The following ATP7A variants were observed in gnomAD, a reference collection of about 807,000 sequenced individuals.
ATP7A encodes ATPase copper transporting alpha, also known as copper-transporting ATPase 1.
ATP7A carries 7 observed loss-of-function variants against 83.5 expected under a neutral mutation model. That is an observed-to-expected ratio of 0.08 (90% CI 0.05 to 0.16). The LOEUF (loss-of-function observed/expected upper bound fraction) is 0.16, where lower values mean the gene tolerates loss of function less well. ATP7A is among the 10% of genes least tolerant of loss of function. The pLI, the probability that ATP7A is intolerant of heterozygous loss-of-function variation, is 1.00. For synonymous variants in ATP7A, 354 were observed against 395.2 expected (o/e 0.90, Z 1.24); for missense variants, 940 against 1,120.8 (o/e 0.84, Z 2.30).
chrX:78,030,988 G>A, intron 15 of ATP7A, among the ~76,000 whole-genome samples: 1 of 110,953 alleles, frequency 9.0e-6, no homozygotes, highest in East Asian at 2.8e-4. Flanking sequence ...ACCGCACCTG[G>A]CCATTTACCT....
chrX:77,917,724 A>C (rs1557222685), intron 1 of ATP7A, among the ~76,000 whole-genome samples: 1 of 112,189 alleles, frequency 8.9e-6, no homozygotes, highest in African/African-American at 3.2e-5. Context: ...AGAGAAACTA[A>C]ACTGCAGCTA....
At chrX:77,914,250 T>A (rs1034054226) in intron 1 of ATP7A, among the ~76,000 whole-genome samples, 10 of 109,858 alleles carry the variant, frequency 9.1e-5, no homozygotes, top group Non-Finnish European at 1.7e-4. Context: ...TATTATTTTT[T>A]AAATAATATT....
At chrX:78,003,477 A>G (rs2077753669) in intron 6 of ATP7A, among the ~76,000 whole-genome samples, 1 of 111,050 alleles carries the variant, frequency 9.0e-6, no homozygotes, top group South Asian at 3.8e-4. Context: ...GAAAATTAAC[A>G]TTTAAAATAT....
At chrX:77,970,023 T>C (rs2077536776) in intron 1 of ATP7A, among the ~76,000 whole-genome samples, 1 of 111,949 alleles carries the variant, frequency 8.9e-6, no homozygotes, top group Admixed American at 9.5e-5. Context: ...TAGTTCTGGC[T>C]CAGGGTGTCT....
rs141142712 is a variant in ATP7A at position 77,946,053 on chromosome X, A to T, written c.-21-25568A>T. Reference sequence around the variant, plus strand: ...TGTGACTCACACCTGTAATCACAGCACTTTGGGAGACCTAAGTGTGAGGAC... The same window carrying T: ...TGTGACTCACACCTGTAATCACAGCTCTTTGGGAGACCTAAGTGTGAGGAC... On this transcript the variant is annotated intron_variant, in intron 1 of 22. Transcript: ENST00000341514. Among the ~76,000 whole-genome samples the T allele has an allele frequency of 8.0e-3, 886 of 111,264 alleles. 10 individuals carry two copies. The highest frequency in any genetic ancestry group is 0.028 in the African/African-American group (857 of 30,615).
At chrX:77,995,784 C>T (rs1341049213) in intron 4 of ATP7A, among the ~76,000 whole-genome samples, 1 of 110,781 alleles carries the variant, frequency 9.0e-6, no homozygotes, top group African/African-American at 3.3e-5. Context: ...TGCTCTGTCG[C>T]CCAGGCTGGA....
intron 16 of ATP7A, 21 bp downstream of exon 16, chrX:78,031,603 T>C (rs1557237096): frequency 1.7e-6 from 2 of 1,192,606 alleles, no homozygotes; most frequent in South Asian, 3.5e-5. Context: ...TTCCTCTTGT[T>C]TATTAGTGTA....
chrX:77,967,538 G>A (rs781796320), intron 1 of ATP7A, among the ~76,000 whole-genome samples: 8 of 111,697 alleles, frequency 7.2e-5, no homozygotes, highest in South Asian at 7.5e-4. Context: ...TTTGTTGGCC[G>A]CATAAATGTC....
chrX:78,007,376 A>G (rs1557233851), intron 6 of ATP7A, among the ~76,000 whole-genome samples: 1 of 109,288 alleles, frequency 9.2e-6, no homozygotes, highest in African/African-American at 3.4e-5. Context: ...CCCAGGCTGG[A>G]GTGCAGTGGC....
chrX:77,950,527 CA>C (rs1273683387), intron 1 of ATP7A, among the ~76,000 whole-genome samples: 5 of 111,640 alleles, frequency 4.5e-5, no homozygotes, highest in African/African-American at 1.6e-4. Context: ...CACATGTGAG[CA>C]ATCTACTGGG....
At chrX:78,033,864 G>A in intron 17 of ATP7A, 43 bp downstream of exon 17, 11 of 1,120,173 alleles carry the variant, frequency 9.8e-6, no homozygotes, top group Non-Finnish European at 1.4e-5. Context: ...GGGCAGTTAT[G>A]AACAGATGGC....
At chrX:77,969,006 C>T (rs1557229171) in intron 1 of ATP7A, 14 of 1,211,278 alleles carry the variant, frequency 1.2e-5, no homozygotes, top group Admixed American at 2.2e-5. Context: ...GAATACCAGT[C>T]GGCAGGTTCA....
At chrX:77,970,359 C>T (rs1238448432) in intron 1 of ATP7A, among the ~76,000 whole-genome samples, 14 of 111,810 alleles carry the variant, frequency 1.3e-4, no homozygotes, top group Non-Finnish European at 2.4e-4. Flanking sequence ...TCGCTTCTAC[C>T]GTAGTCTATT....
intron 20 of ATP7A, 76 bp downstream of exon 20, chrX:78,042,864 GAGCATA>G: frequency 9.5e-7 from 1 of 1,051,146 alleles, no homozygotes; most frequent in Non-Finnish European, 1.3e-6. Flanking sequence ...AAAGTATATT[GAGCATA>G]ACAATTCTGT....
At chrX:78,028,511 A>AT (rs1315642795) in intron 14 of ATP7A, among the ~76,000 whole-genome samples, 1 of 110,779 alleles carries the variant, frequency 9.0e-6, no homozygotes, top group Admixed American at 9.6e-5. Context: ...TTTTTCACAA[A>AT]TTTTTTTTGT....
rs183006129 is a variant in ATP7A at position 78,007,389 on chromosome X, G to A, written c.1708-1713G>A. On this transcript the variant is annotated intron_variant, in intron 6 of 22. Coordinates refer to ENST00000341514, the MANE Select transcript of ATP7A (RefSeq NM_000052.7). ...CGCCCAGGCTGGAGTGCAGTGGCGC[G>A]ATCTTGGCTCACTGCAAGCCCCGCC... is the stretch of plus-strand genomic sequence containing the variant. Among the ~76,000 whole-genome samples the A allele has an allele frequency of 6.7e-4, 74 of 110,547 alleles. No homozygotes were observed. The East Asian group carries it at 0.02, about 29-fold the overall frequency.
Position 77,989,256 on chromosome X carries a change from A to G in ATP7A, c.634A>G (p.Thr212Ala), listed in dbSNP as rs2077655918. ...IKVSLDNQEA[T>A]IVYQPHLISV... ...AGTCTCCCTGGACAATCAAGAAGCT[A>G]CTATTGTTTATCAACCTCATCTTAT... is the stretch of plus-strand genomic sequence containing the variant. Residue 212 changes from threonine to alanine, a missense_variant, in exon 4 of 23, where the codon ACT (threonine) becomes GCT (alanine). Coordinates refer to ENST00000341514, the MANE Select transcript of ATP7A (RefSeq NM_000052.7). 2 of 1,207,162 alleles carry G rather than the reference A, an allele frequency of 1.7e-6. No homozygotes were observed. Among genetic ancestry groups the G allele is most frequent in the Non-Finnish European group, 2.2e-6 (2 of 891,537 alleles).
chrX:78,042,848 T>C, intron 20 of ATP7A, 60 bp downstream of exon 20: 1 of 1,096,763 alleles, frequency 9.1e-7, no homozygotes, highest in Non-Finnish European at 1.3e-6. Flanking sequence ...TCAATGATAA[T>C]GTCATAAAGT....
intron 17 of ATP7A, among the ~76,000 whole-genome samples, chrX:78,035,561 G>A (rs2078008622): frequency 9.1e-6 from 1 of 110,262 alleles, no homozygotes; most frequent in Non-Finnish European, 1.9e-5. Context: ...CTCTCCTATG[G>A]GACAAAGTCC....
Sources: gnomAD v4.1 joint callset for allele counts (sites outside exome capture counted in the v4.1 genomes callset) on GRCh38, gnomAD v4.1.1 for gene constraint, MANE v1.5 for transcripts, NCBI Gene and HGNC (gene_info 2026-07-23, HGNC 2026-07-21) for gene names.